CADM2: variants seen among roughly 807,000 people sequenced by gnomAD.
The protein encoded by CADM2 is cell adhesion molecule 2.
Under a neutral mutation model 49.8 loss-of-function variants are expected in CADM2, and 12 were observed. The ratio of observed to expected loss-of-function variants is 0.24; its 90% CI spans 0.15 to 0.39. CADM2 has a LOEUF of 0.39. CADM2 is among the 10% of genes least tolerant of loss of function. CADM2 has a pLI of 1.00. For missense variants in CADM2, 378 were observed against 492.3 expected, an observed-to-expected ratio of 0.77 and a Z score of 2.20; for synonymous variants, 214 against 175.4, an observed-to-expected ratio of 1.22 and a Z score of -1.74.
intron 1 of CADM2, among the ~76,000 whole-genome samples, chr3:85,520,424 T>C (rs1395166727): frequency 6.6e-6 from 1 of 152,024 alleles, no homozygotes; most frequent in Non-Finnish European, 1.5e-5. Flanking sequence ...TTTTAGTCCA[T>C]GTGTACAATG....
chr3:85,168,179 C>T (rs1324792618), intron 1 of CADM2, among the ~76,000 whole-genome samples: 1 of 152,056 alleles, frequency 6.6e-6, no homozygotes. Context: ...CCTCAGCCTC[C>T]CAAGTAACTG....
At chr3:85,015,332 A>G (rs1187360711) in intron 1 of CADM2, among the ~76,000 whole-genome samples, 1 of 152,050 alleles carries the variant, frequency 6.6e-6, no homozygotes, top group African/African-American at 2.4e-5. Flanking sequence ...TTACTTCCTT[A>G]TTTTTTCAGT....
chr3:85,625,854 G>A (rs1041209824), intron 1 of CADM2, among the ~76,000 whole-genome samples: 1 of 151,948 alleles, frequency 6.6e-6, no homozygotes, highest in African/African-American at 2.4e-5. Context: ...CTATTTGTAT[G>A]TATTGCTGTC....
At chr3:85,050,646 T>G (rs2035847181) in intron 1 of CADM2, among the ~76,000 whole-genome samples, 1 of 152,190 alleles carries the variant, frequency 6.6e-6, no homozygotes, top group African/African-American at 2.4e-5. Flanking sequence ...GGTCTGTAGG[T>G]AGCAGATGCA....
chr3:85,816,506 G>A (rs1322589332), intron 3 of CADM2, among the ~76,000 whole-genome samples: 2 of 152,032 alleles, frequency 1.3e-5, no homozygotes, highest in African/African-American at 4.8e-5. Context: ...CTAATAAATG[G>A]TCTTGATGTA....
intron 5 of CADM2, among the ~76,000 whole-genome samples, chr3:85,889,561 C>G (rs1439638790): frequency 2.6e-5 from 4 of 152,156 alleles, no homozygotes; most frequent in Non-Finnish European, 5.9e-5. Flanking sequence ...AGAAGTCCTG[C>G]CTCTGTCTCT....
chr3:85,959,468 C>T (rs1309770378), intron 7 of CADM2, among the ~76,000 whole-genome samples: 3 of 151,812 alleles, frequency 2.0e-5, no homozygotes, highest in African/African-American at 7.2e-5. Context: ...TGTATTTACC[C>T]AGTAAGCTGC....
chr3:86,049,436 G>A lies in CADM2; in HGVS notation c.971-16169G>A, dbSNP rs911144664. ...ACTACAGGCACCCGCCACCACGCCC[G>A]GCTAATTTTTTGTATTTTTAGTAGA... On this transcript the variant is annotated intron_variant, in intron 8 of 9. Coordinates refer to ENST00000383699, the MANE Select transcript of CADM2 (RefSeq NM_001167675.2). Among the ~76,000 whole-genome samples the A allele has an allele frequency of 3.3e-5, 5 of 151,590 alleles. No homozygotes were observed. In the South Asian group the frequency reaches 6.2e-4, roughly 19 times the overall value.
intron 1 of CADM2, among the ~76,000 whole-genome samples, chr3:85,238,014 A>G (rs950828728): frequency 9.9e-5 from 15 of 151,974 alleles, no homozygotes; most frequent in Non-Finnish European, 2.1e-4. Context: ...AATAATAACA[A>G]TAACACTTAC....
chr3:85,180,706 T>C (rs546181573), intron 1 of CADM2, among the ~76,000 whole-genome samples: 1 of 152,214 alleles, frequency 6.6e-6, no homozygotes, highest in African/African-American at 2.4e-5. Context: ...ACACAAACAA[T>C]ATCTATATCA....
chr3:84,978,459 G>A (rs571729128), intron 1 of CADM2, among the ~76,000 whole-genome samples: 2 of 152,096 alleles, frequency 1.3e-5, no homozygotes, highest in Non-Finnish European at 1.5e-5. Context: ...TATTAGTAAT[G>A]ATTGAGTTAA....
At chr3:85,348,960 T>C (rs2031058309) in intron 1 of CADM2, among the ~76,000 whole-genome samples, 1 of 152,168 alleles carries the variant, frequency 6.6e-6, no homozygotes, top group Non-Finnish European at 1.5e-5. Context: ...AAAAATATCT[T>C]GATCTATTAC....
At chr3:85,170,402 G>A (rs571459090) in intron 1 of CADM2, among the ~76,000 whole-genome samples, 1 of 151,052 alleles carries the variant, frequency 6.6e-6, no homozygotes, top group African/African-American at 2.4e-5. Context: ...GCAGTGGCGC[G>A]ATCTCAGCTC....
At chr3:85,593,164 T>C (rs2107351715) in intron 1 of CADM2, among the ~76,000 whole-genome samples, 1 of 151,660 alleles carries the variant, frequency 6.6e-6, no homozygotes, top group South Asian at 2.1e-4. Flanking sequence ...TTCCTTTTAA[T>C]AAGATTTTTT....
At chr3:85,732,448 T>C (rs1173206639) in intron 2 of CADM2, among the ~76,000 whole-genome samples, 1 of 152,184 alleles carries the variant, frequency 6.6e-6, no homozygotes, top group Non-Finnish European at 1.5e-5. Flanking sequence ...ATTGTATTTC[T>C]GTAACACATA....
In CADM2 at chr3:86,073,050, T is replaced by A. The variant is rs1305227907; in HGVS notation, c.*6267T>A. On this transcript the variant is annotated 3_prime_UTR_variant, in exon 10 of 10. Transcript: ENST00000383699. ...CTGACCTGTTTTCTTCATATTGCAT[T>A]CACATCAATATTTGTGAATTTGTTG... 6.6e-6 allele frequency: 1 copy of A among 152,102 alleles called. No homozygotes were observed. Among genetic ancestry groups the A allele is most frequent in the Non-Finnish European group, 1.5e-5 (1 of 67,966 alleles). The allele number at this position is 152,102 out of a possible 1,614,324, so 9.4% of individuals were successfully genotyped here. A position where few individuals can be genotyped will look rare whatever the true frequency, so the allele number is the denominator to read the frequency against.
At chr3:85,008,897 G>C (rs376779028) in intron 1 of CADM2, among the ~76,000 whole-genome samples, 3 of 152,288 alleles carry the variant, frequency 2.0e-5, no homozygotes, top group Non-Finnish European at 4.4e-5. Flanking sequence ...GATACTAAAT[G>C]AAATCTTTAG....
intron 1 of CADM2, among the ~76,000 whole-genome samples, chr3:85,208,257 G>C (rs1369431050): frequency 6.6e-6 from 1 of 152,080 alleles, no homozygotes; most frequent in Admixed American, 6.5e-5. Context: ...AAGATTTTAA[G>C]TATGCTTTGT....
At chr3:86,002,132 A>G (rs972236735) in intron 8 of CADM2, among the ~76,000 whole-genome samples, 2 of 152,134 alleles carry the variant, frequency 1.3e-5, no homozygotes, top group African/African-American at 4.8e-5. Flanking sequence ...AGCTGGGATT[A>G]TTAATCACTA....
Sources: allele counts gnomAD v4.1 joint callset (sites outside exome capture counted in the v4.1 genomes callset), GRCh38; gene constraint gnomAD v4.1.1; transcripts MANE v1.5; gene names NCBI Gene and HGNC (gene_info 2026-07-23, HGNC 2026-07-21).